PRAMEF18: variants seen among roughly 807,000 people sequenced by gnomAD.
The protein encoded by PRAMEF18 is PRAME family member 18.
PRAMEF18 carries 15 observed loss-of-function variants against 23.7 expected under a neutral mutation model. The observed-to-expected ratio is 0.63, with a 90% CI of 0.42 to 0.97. PRAMEF18 has a LOEUF of 0.97. PRAMEF18 is among the 50% of genes least tolerant of loss of function. The probability of loss-of-function intolerance (pLI) is 0.00; values close to 1 mark genes in which losing one functional copy is unlikely to be tolerated. For missense variants in PRAMEF18, 223 were observed against 418.6 expected, an observed-to-expected ratio of 0.53 and a Z score of 4.08; for synonymous variants, 78 against 159.9, an observed-to-expected ratio of 0.49 and a Z score of 3.86.
Position 13,224,854 on chromosome 1 carries a change from C to T in PRAMEF18, c.866+1G>A. The T allele has an allele frequency of 1.9e-6, 3 of 1,613,954 alleles. No homozygotes were observed. In the Admixed American group the frequency reaches 5.0e-5, roughly 27 times the overall value. Reference sequence around the variant, plus strand: ...AGAGAAAGCTCACCATCCTTCCTCACCTGATCAGCTGGTCCAGGTGGCCTC... The same window carrying T: ...AGAGAAAGCTCACCATCCTTCCTCATCTGATCAGCTGGTCCAGGTGGCCTC... On this transcript the variant is annotated splice_donor_variant, in intron 2 of 2. Transcript: ENST00000624297. LOFTEE classifies it high-confidence loss of function.
At chr1:13,224,812 G>T (rs1242297361) in intron 2 of PRAMEF18, 43 bp downstream of exon 2, 14 of 1,612,894 alleles carry the variant, frequency 8.7e-6, no homozygotes, top group South Asian at 1.1e-5. Flanking sequence ...ACAAAAAAAG[G>T]CTGTGCTATG....
chr1:13,223,739 C>G, exon 3 of PRAMEF18: 1 of 228,312 alleles, frequency 4.4e-6, no homozygotes. Context: ...GCAACTTTCT[C>G]TAGCAGAGCT....
Position 13,225,019 on chromosome 1 carries a change from A to G in PRAMEF18, c.702T>C (p.Leu234=), listed in dbSNP as rs1345617305. The change falls in exon 2 of 3, where the codon CTT becomes CTC. Residue 234 remains leucine (L), a synonymous_variant. Transcript: ENST00000624297. Reference sequence around the variant, plus strand: ...AGCCATCAGAGATGAAGAGTTTGCGAAGATTCCTCATCTGGCTCAGGTAAC... The same window carrying G: ...AGCCATCAGAGATGAAGAGTTTGCGGAGATTCCTCATCTGGCTCAGGTAAC... 3.7e-6 allele frequency: 6 copies of G among 1,614,182 alleles called. No individual in the cohort carries two copies. The South Asian group carries it at 5.5e-5, about 15-fold the overall frequency.
intron 2 of PRAMEF18, 54 bp downstream of exon 2, chr1:13,224,800 TA>T (rs1638817257): frequency 6.2e-7 from 1 of 1,612,246 alleles, no homozygotes; most frequent in Non-Finnish European, 8.5e-7. Flanking sequence ...GTGTTTATTG[TA>T]ACAAAAAAAG....
At chr1:13,224,890 G>C (rs1227408374) in exon 2 of PRAMEF18, 268 of 1,613,842 alleles carry the variant, frequency 1.7e-4, no homozygotes, top group Non-Finnish European at 2.2e-4. Flanking sequence ...TGAAGAAGCA[G>C]ACCCTTCTTA....
At chr1:13,225,009 A>G (rs1264421349) in exon 2 of PRAMEF18, 1 of 1,614,056 alleles carries the variant, frequency 6.2e-7, no homozygotes, top group African/African-American at 1.3e-5. Flanking sequence ...TCAGAGATGA[A>G]GAGTTTGCGA....
At chr1:13,225,168 C>G in exon 2 of PRAMEF18, 1 of 1,612,484 alleles carries the variant, frequency 6.2e-7, no homozygotes, top group Non-Finnish European at 8.5e-7. Flanking sequence ...TAATTCACCA[C>G]CTTAGTACAG....
At chr1:13,224,802 A>C in intron 2 of PRAMEF18, 53 bp downstream of exon 2, 1 of 1,612,494 alleles carries the variant, frequency 6.2e-7, no homozygotes, top group Non-Finnish European at 8.5e-7. Flanking sequence ...GTTTATTGTA[A>C]CAAAAAAAGG....
chr1:13,226,020 A>G, exon 1 of PRAMEF18: 1 of 1,614,136 alleles, frequency 6.2e-7, no homozygotes, highest in Non-Finnish European at 8.5e-7. Context: ...TGGGCAGCTC[A>G]TCCAGGACGG....
exon 2 of PRAMEF18, chr1:13,225,017 C>T (rs374799332): frequency 3.1e-5 from 50 of 1,614,142 alleles, no homozygotes; most frequent in Middle Eastern, 3.3e-4. Context: ...GAAGAGTTTG[C>T]GAAGATTCCT....
chr1:13,225,111 G>C lies in PRAMEF18; in HGVS notation c.610C>G (p.Pro204Ala), dbSNP rs771345797. ...ATTTCCAACACTTGGATACTGTCTG[G>C]GTATACTGTTTCCAATATGTTTCTG... Residue 204 changes from proline (P) to alanine (A), a missense_variant, in exon 2 of 3, where the codon CCA becomes GCA. Coordinates refer to ENST00000624297, the Ensembl canonical transcript of PRAMEF18. 567 of 1,613,620 alleles carry C rather than the reference G, an allele frequency of 3.5e-4. No homozygotes were observed. The highest frequency in any genetic ancestry group is 3.8e-4 in the Non-Finnish European group (450 of 1,179,782).
rs1205514660 is a variant in PRAMEF18, at chr1:13,224,869, C to T, written c.852G>A (p.Leu284=). Residue 284 remains leucine, a synonymous_variant, in exon 2 of 3, where the codon CTG becomes CTA. Coordinates refer to ENST00000624297, the Ensembl canonical transcript of PRAMEF18. ...TCCTTCCTCACCTGATCAGCTGGTC[C>T]AGGTGGCCTCTGAAGAAGCAGACCC... is the stretch of plus-strand genomic sequence containing the variant. 8.6e-5 allele frequency: 139 copies of T among 1,613,946 alleles called. No homozygotes were observed. In the African/African-American group the frequency reaches 1.3e-3, roughly 15 times the overall value.
chr1:13,225,468 G>C, intron 1 of PRAMEF18, 35 bp from the exon 2 acceptor site: 1 of 1,596,294 alleles, frequency 6.3e-7, no homozygotes, highest in South Asian at 1.1e-5. Flanking sequence ...TCAGAACGTA[G>C]ACAAGGACCC....
At position 13,224,852 on chromosome 1, in the gene PRAMEF18, C is replaced by T. The variant is rs1383901239; in HGVS notation, c.866+3G>A. ...CCAGAGAAAGCTCACCATCCTTCCT[C>T]ACCTGATCAGCTGGTCCAGGTGGCC... is the stretch of plus-strand genomic sequence containing the variant. On this transcript the variant is annotated splice_donor_region_variant and intron_variant, in intron 2 of 2. Transcript: ENST00000624297. The T allele has an allele frequency of 5.0e-6, 8 of 1,613,834 alleles. No homozygotes were observed. Among genetic ancestry groups the T allele is most frequent in the Non-Finnish European group, 6.8e-6 (8 of 1,179,898 alleles).
chr1:13,226,150 A>G (rs1394884964), upstream of PRAMEF18: 21 of 1,611,926 alleles, frequency 1.3e-5, no homozygotes, highest in Non-Finnish European at 1.8e-5. Flanking sequence ...AGACAAACTT[A>G]TCAGGCCAGT....
At chr1:13,224,833 A>G (rs1638818171) in intron 2 of PRAMEF18, 22 bp downstream of exon 2, 1 of 1,613,786 alleles carries the variant, frequency 6.2e-7, no homozygotes, top group African/African-American at 1.3e-5. Flanking sequence ...GCCCCCAGAG[A>G]AAGCTCACCA....
chr1:13,224,727 A>C, intron 2 of PRAMEF18, 128 bp downstream of exon 2: 2 of 1,509,906 alleles, frequency 1.3e-6, no homozygotes, highest in Non-Finnish European at 1.8e-6. Context: ...AAACAGGACA[A>C]TGCATTCTAG....
chr1:13,224,935 CA>C lies in PRAMEF18; in HGVS notation c.785del (p.Val262GlyfsTer13). ...TCTGGAGGTTCTCCAGCCTGAGGAG[CA>C]CAGAGCTGAATTCAGCAACTAACTG... is the stretch of plus-strand genomic sequence containing the variant. On this transcript the variant is annotated frameshift_variant, in exon 2 of 3. Transcript: ENST00000624297. LOFTEE classifies it high-confidence loss of function. The C allele has an allele frequency of 1.2e-6, 2 of 1,614,084 alleles. No individual in the cohort carries two copies. Among genetic ancestry groups the C allele is most frequent in the South Asian group, 1.1e-5 (1 of 91,084 alleles).
chr1:13,225,919 C>T (rs1328125971), exon 1 of PRAMEF18: 2 of 1,614,310 alleles, frequency 1.2e-6, no homozygotes, highest in East Asian at 2.2e-5. Flanking sequence ...CAGAGGGAGG[C>T]AGGGGAAGGG....
Sources: gnomAD v4.1 joint callset for allele counts on GRCh38, gnomAD v4.1.1 for gene constraint, MANE v1.5 for transcripts, NCBI Gene and HGNC (gene_info 2026-07-23, HGNC 2026-07-21) for gene names.